LRP5: variants seen among roughly 807,000 people sequenced by gnomAD.
The protein encoded by LRP5 is low-density lipoprotein receptor-related protein 5.
A neutral mutation model predicts 154.1 loss-of-function variants in LRP5; 62 were observed. The observed-to-expected ratio is 0.40, with a 90% CI of 0.33 to 0.50. The LOEUF (loss-of-function observed/expected upper bound fraction) is 0.50, where lower values mean the gene tolerates loss of function less well. Among genes scored for constraint, LRP5 ranks in the 20% least tolerant of loss-of-function variants. LRP5 has a pLI of 0.55. For synonymous variants in LRP5, 966 were observed against 1,011.5 expected (o/e 0.96, Z 0.85); for missense variants, 1,915 against 2,336.7 (o/e 0.82, Z 3.72).
chr11:68,392,521 A>T (rs1360623789), intron 7 of LRP5, among the ~76,000 whole-genome samples: 2 of 152,078 alleles, frequency 1.3e-5, no homozygotes, highest in Admixed American at 1.3e-4. Flanking sequence ...AAATAAATAA[A>T]AAAAATTTTA....
intron 13 of LRP5, among the ~76,000 whole-genome samples, chr11:68,419,079 C>T (rs1365043467): frequency 6.6e-6 from 1 of 152,178 alleles, no homozygotes; most frequent in Non-Finnish European, 1.5e-5. Flanking sequence ...GCTCTGTGGA[C>T]TCTGGCTTTG....
Position 68,449,120 on chromosome 11 carries a change from A to G in LRP5, c.*50A>G. The G allele has an allele frequency of 7.8e-6, 11 of 1,419,350 alleles. No homozygotes were observed. The highest frequency in any genetic ancestry group is 1.0e-5 in the Non-Finnish European group (11 of 1,072,218). The allele number at this position is 1,419,350 out of a possible 1,614,324, so 87.9% of individuals were successfully genotyped here. On this transcript the variant is annotated 3_prime_UTR_variant, in exon 23 of 23. Coordinates refer to ENST00000294304, the MANE Select transcript of LRP5 (RefSeq NM_002335.4). ...TCTGTGCCCCTGTAAATAGTTTTAA[A>G]TATGAACAAAGAAAAAAATATATTT...
At position 68,406,383 on chromosome 11, in the gene LRP5, G is replaced by C. The variant is rs1038814452; in HGVS notation, c.1802-141G>C. The C allele has an allele frequency of 5.7e-6, 5 of 878,092 alleles. No homozygotes were observed. In the Admixed American group the frequency reaches 9.1e-5, roughly 16 times the overall value. 54.4% of individuals were successfully genotyped at this position (878,092 alleles called of 1,614,324 possible). On this transcript the variant is annotated intron_variant, in intron 8 of 22. Transcript: ENST00000294304. ...GCCTGGCCAACCCAGCCATGAGGTC[G>C]GACCTGACCCGGGGGTGAGTCCTGA...
chr11:68,368,453 G>C lies in LRP5; in HGVS notation c.1015+2751G>C, dbSNP rs192871238. On this transcript the variant is annotated intron_variant, in intron 5 of 22. Coordinates refer to ENST00000294304, the MANE Select transcript of LRP5 (RefSeq NM_002335.4). ...TGAGGCAGGAGCATGCTGGTGTTGG[G>C]ACCGACTTCACGGGCTGTGTGACCT... Among the ~76,000 whole-genome samples, 142 of 152,354 alleles carry C rather than the reference G, an allele frequency of 9.3e-4. 1 individual carries two copies. The highest frequency in any genetic ancestry group is 3.4e-3 in the African/African-American group (140 of 41,578).
the LRP5 span, among the ~76,000 whole-genome samples, chr11:68,302,896 C>T: frequency 3.7e-4 from 56 of 152,262 alleles, no homozygotes; most frequent in East Asian, 0.011. Flanking sequence ...AAGGTGCCCA[C>T]AAGAGCCTGT....
chr11:68,448,231 A>G (rs1416937795), intron 22 of LRP5, among the ~76,000 whole-genome samples: 1 of 152,192 alleles, frequency 6.6e-6, no homozygotes, highest in African/African-American at 2.4e-5. Context: ...CCATGATTCA[A>G]TCATCTCCCA....
chr11:68,336,658 A>T (rs933421466), intron 1 of LRP5, among the ~76,000 whole-genome samples: 25 of 152,140 alleles, frequency 1.6e-4, no homozygotes, highest in African/African-American at 6.0e-4. Context: ...TAATAGAGAC[A>T]GAGTTTCACC....
chr11:68,319,955 C>T (rs1215681449), intron 1 of LRP5, among the ~76,000 whole-genome samples: 2 of 151,964 alleles, frequency 1.3e-5, no homozygotes, highest in East Asian at 1.9e-4. Context: ...TCCAGGAGTT[C>T]GAGACCAGCC....
intron 5 of LRP5, among the ~76,000 whole-genome samples, chr11:68,373,102 G>A (rs1304887198): frequency 6.6e-6 from 1 of 152,190 alleles, no homozygotes; most frequent in African/African-American, 2.4e-5. Context: ...GAAACATCTC[G>A]AGGTTTGAAG....
chr11:68,426,594 A>AT (rs34165724), intron 16 of LRP5, among the ~76,000 whole-genome samples: 13,183 of 150,566 alleles, frequency 0.088, 724 homozygotes, highest in Middle Eastern at 0.15. Flanking sequence ...CACCTGGCTA[A>AT]TTTTTTTTTG....
chr11:68,305,643 A>G, the LRP5 span, among the ~76,000 whole-genome samples: 2 of 152,062 alleles, frequency 1.3e-5, no homozygotes, highest in Non-Finnish European at 2.9e-5. Context: ...GGGTTTCACC[A>G]TGTTGTCCAG....
chr11:68,424,801 C>T (rs1432303253), intron 14 of LRP5, among the ~76,000 whole-genome samples: 2 of 152,242 alleles, frequency 1.3e-5, no homozygotes, highest in Non-Finnish European at 2.9e-5. Flanking sequence ...GGCGTGGCCT[C>T]TTCTGTACCA....
rs2098647966 is a variant in LRP5, at chr11:68,394,253, T to C, written c.1584+4201T>C. Among the ~76,000 whole-genome samples the C allele has an allele frequency of 2.0e-5, 3 of 152,054 alleles. No individual in the cohort carries two copies. The South Asian group carries it at 6.2e-4, about 32-fold the overall frequency. ...GGTTCTGGGGAATGGGGAAGGTGTC[T>C]CAGGTGAAAGGAAGGAATTCCAGAT... is the stretch of plus-strand genomic sequence containing the variant. On this transcript the variant is annotated intron_variant, in intron 7 of 22. Transcript: ENST00000294304.
At chr11:68,405,032 C>T (rs1389944483) in intron 8 of LRP5, among the ~76,000 whole-genome samples, 3 of 150,710 alleles carry the variant, frequency 2.0e-5, no homozygotes, top group African/African-American at 4.9e-5. Flanking sequence ...TGGTATCACG[C>T]GCCTATAATC....
At chr11:68,355,848 CT>C (rs906793008) in intron 2 of LRP5, among the ~76,000 whole-genome samples, 78 of 149,362 alleles carry the variant, frequency 5.2e-4, no homozygotes, top group Admixed American at 4.2e-3. Flanking sequence ...GGGTTTTATT[CT>C]TTTTTTTTTG....
chr11:68,299,643 C>T, the LRP5 span, among the ~76,000 whole-genome samples: 1 of 144,614 alleles, frequency 6.9e-6, no homozygotes, highest in Admixed American at 7.2e-5. Flanking sequence ...AGTACAGTGG[C>T]GCAATCTCAG....
At chr11:68,315,550 A>C (rs1266975107) in intron 1 of LRP5, among the ~76,000 whole-genome samples, 1 of 152,248 alleles carries the variant, frequency 6.6e-6, no homozygotes, top group Non-Finnish European at 1.5e-5. Flanking sequence ...AAATGGGAAT[A>C]GAATCCTTCC....
intron 1 of LRP5, among the ~76,000 whole-genome samples, chr11:68,341,461 C>A (rs1283141184): frequency 6.6e-6 from 1 of 152,104 alleles, no homozygotes; most frequent in Admixed American, 6.5e-5. Flanking sequence ...TCTCAAATTA[C>A]GCTGCCCAGA....
At chr11:68,397,064 G>A (rs1174374448) in intron 7 of LRP5, among the ~76,000 whole-genome samples, 1 of 152,132 alleles carries the variant, frequency 6.6e-6, no homozygotes, top group African/African-American at 2.4e-5. Context: ...TGAGTCTAGA[G>A]CCCCGGGGGT....
Sources: allele counts gnomAD v4.1 joint callset (sites outside exome capture counted in the v4.1 genomes callset), GRCh38; gene constraint gnomAD v4.1.1; transcripts MANE v1.5; gene names NCBI Gene and HGNC (gene_info 2026-07-23, HGNC 2026-07-21).